The following DOCK9 variants were observed in gnomAD, a reference collection of about 807,000 sequenced individuals.
DOCK9 encodes dedicator of cytokinesis protein 9.
Under a neutral mutation model 263.3 loss-of-function variants are expected in DOCK9, and 89 were observed. The observed-to-expected ratio is 0.34, with a 90% CI of 0.28 to 0.40. The LOEUF is 0.40. DOCK9 is among the 10% of genes least tolerant of loss of function. The probability of loss-of-function intolerance (pLI) is 1.00; values close to 1 mark genes in which losing one functional copy is unlikely to be tolerated. For synonymous variants in DOCK9, 976 were observed against 973.1 expected, an observed-to-expected ratio of 1.00 and a Z score of -0.06; for missense variants, 2,140 against 2,603.4, an observed-to-expected ratio of 0.82 and a Z score of 3.87.
intron 9 of DOCK9, among the ~76,000 whole-genome samples, chr13:98,912,462 AG>A (rs2050211311): frequency 6.6e-6 from 1 of 152,210 alleles, no homozygotes. Flanking sequence ...AAAAAGAAGC[AG>A]GGGTTGAAAT....
At chr13:98,962,632 G>C (rs1427978364) in intron 1 of DOCK9, among the ~76,000 whole-genome samples, 3 of 145,386 alleles carry the variant, frequency 2.1e-5, no homozygotes, top group East Asian at 1.9e-4. Context: ...TTGCATGATA[G>C]GTTTTAAAAA....
At chr13:99,037,335 A>G (rs572469838) in intron 1 of DOCK9, among the ~76,000 whole-genome samples, 2 of 152,334 alleles carry the variant, frequency 1.3e-5, no homozygotes, top group South Asian at 4.1e-4. Context: ...TTTCGCCAAA[A>G]AAAATACACA....
intron 27 of DOCK9, among the ~76,000 whole-genome samples, chr13:98,876,019 TACC>T (rs2043786442): frequency 6.6e-6 from 1 of 152,162 alleles, no homozygotes; most frequent in African/African-American, 2.4e-5. Context: ...CTCACTCGAC[TACC>T]ACCAAGAATG....
chr13:98,841,781 CCA>C lies in DOCK9; in HGVS notation c.4198+4141_4198+4142del, dbSNP rs542849351. On this transcript the variant is annotated intron_variant, in intron 38 of 52. Transcript: ENST00000682017. ...GGATTACAGGCATGCACCACCATGC[CCA>C]GATTTTTCTGCATTATTATTATTAT... Among the ~76,000 whole-genome samples the C allele has an allele frequency of 9.3e-5, 14 of 150,252 alleles. No individual in the cohort carries two copies. In the South Asian group the frequency reaches 3.0e-3, roughly 33 times the overall value.
intron 33 of DOCK9, chr13:98,857,425 A>C (rs2093733238): frequency 6.6e-6 from 1 of 152,256 alleles, no homozygotes; most frequent in Non-Finnish European, 1.5e-5. Flanking sequence ...AGTAGCTGTG[A>C]TTACAGGCGA....
Position 98,807,752 on chromosome 13 carries a change from G to A in DOCK9, c.5423C>T (p.Thr1808Ile). Residue 1808 changes from threonine (T) to isoleucine (I), a missense_variant, in exon 48 of 53, where the codon ACA becomes ATA. Thr to Ile is a moderately conservative substitution (Grantham distance 89, BLOSUM62 -1). Transcript: ENST00000682017. ...KEYIYKEPKLTPLSEISQRLL... is the reference protein window; with the variant it reads ...KEYIYKEPKLIPLSEISQRLL... ...TCTCTGAGAAATTTCCGACAGCGGT[G>A]TGAGTTTGGGTTCCTTGTAAATATA... 3 of 1,613,666 alleles carry A rather than the reference G, an allele frequency of 1.9e-6. No homozygotes were observed. The highest frequency in any genetic ancestry group is 2.5e-6 in the Non-Finnish European group (3 of 1,179,670).
At chr13:99,069,676 C>T (rs879440650) in intron 1 of DOCK9, among the ~76,000 whole-genome samples, 1 of 152,208 alleles carries the variant, frequency 6.6e-6, no homozygotes, top group South Asian at 2.1e-4. Context: ...CAGATGACCA[C>T]CAAAGATGAC....
At position 98,848,689 on chromosome 13, in the gene DOCK9, T is replaced by C. The variant is rs553487887; in HGVS notation, c.4014-50A>G. On this transcript the variant is annotated intron_variant, in intron 36 of 52. Transcript: ENST00000682017. The stretch of plus-strand genomic sequence containing the variant: ...AGGGAAATGCAAAGATAAAATTATT[T>C]TCGGGACGTTATTTATCTGTTAACA... The C allele has an allele frequency of 1.2e-5, 19 of 1,546,400 alleles. No individual in the cohort carries two copies. In the African/African-American group the frequency reaches 2.5e-4, roughly 20 times the overall value.
intron 1 of DOCK9, among the ~76,000 whole-genome samples, chr13:98,964,493 T>C (rs1394463750): frequency 1.3e-5 from 2 of 152,166 alleles, no homozygotes; most frequent in Non-Finnish European, 1.5e-5. Context: ...AGCATGTGCA[T>C]GGATGGAAGT....
chr13:99,004,954 T>C (rs1883055065), intron 1 of DOCK9, among the ~76,000 whole-genome samples: 2 of 152,172 alleles, frequency 1.3e-5, no homozygotes, highest in Admixed American at 1.3e-4. Flanking sequence ...GTACTCTTCA[T>C]CTATAAATGT....
At chr13:98,869,115 A>C (rs1467108319) in intron 27 of DOCK9, among the ~76,000 whole-genome samples, 1 of 152,210 alleles carries the variant, frequency 6.6e-6, no homozygotes, top group Non-Finnish European at 1.5e-5. Context: ...ATTCAAACTG[A>C]AAATACGGAT....
intron 15 of DOCK9, among the ~76,000 whole-genome samples, chr13:98,895,655 A>C (rs2047316513): frequency 6.7e-6 from 1 of 149,290 alleles, no homozygotes; most frequent in Admixed American, 6.7e-5. Context: ...ACAGAGTGAG[A>C]CTCCATCTCA....
intron 15 of DOCK9, among the ~76,000 whole-genome samples, chr13:98,889,358 G>T (rs2046279404): frequency 6.6e-6 from 1 of 152,098 alleles, no homozygotes; most frequent in South Asian, 2.1e-4. Flanking sequence ...ATTCATGTAA[G>T]CAAACACCAC....
intron 2 of DOCK9, among the ~76,000 whole-genome samples, chr13:98,934,179 A>T (rs548145869): frequency 6.6e-6 from 1 of 152,172 alleles, no homozygotes; most frequent in South Asian, 2.1e-4. Flanking sequence ...TGCTGGGATT[A>T]TAGGCATGAG....
At chr13:99,025,623 C>T (rs559416556) in intron 1 of DOCK9, among the ~76,000 whole-genome samples, 2 of 152,322 alleles carry the variant, frequency 1.3e-5, no homozygotes, top group South Asian at 4.1e-4. Context: ...ACAGCGTAGC[C>T]GCTATGGAAA....
At chr13:98,943,213 T>C (rs2056222569) in intron 2 of DOCK9, among the ~76,000 whole-genome samples, 1 of 152,238 alleles carries the variant, frequency 6.6e-6, no homozygotes, top group Admixed American at 6.5e-5. Flanking sequence ...GTAGATATAA[T>C]GCTAAGCAGA....
At chr13:99,076,686 T>C (rs1208017304) in intron 1 of DOCK9, among the ~76,000 whole-genome samples, 1 of 151,880 alleles carries the variant, frequency 6.6e-6, no homozygotes, top group African/African-American at 2.4e-5. Flanking sequence ...TTAGAGGTAA[T>C]AGGAAATACG....
chr13:98,873,303 T>C (rs1412404712), intron 27 of DOCK9, among the ~76,000 whole-genome samples: 4 of 152,210 alleles, frequency 2.6e-5, no homozygotes, highest in Non-Finnish European at 4.4e-5. Flanking sequence ...TACTCACAAA[T>C]CTATTTCTTT....
At chr13:99,066,351 AC>A (rs72517224) in intron 1 of DOCK9, among the ~76,000 whole-genome samples, 5 of 141,342 alleles carry the variant, frequency 3.5e-5, no homozygotes, top group African/African-American at 5.1e-5. Flanking sequence ...TTAAAAAAAG[AC>A]TGAATTTTCT....
Sources: gnomAD v4.1 joint callset for allele counts (sites outside exome capture counted in the v4.1 genomes callset) on GRCh38, gnomAD v4.1.1 for gene constraint, MANE v1.5 for transcripts, NCBI Gene and HGNC (gene_info 2026-07-23, HGNC 2026-07-21) for gene names.